The following BCAS3 variants were observed in gnomAD, a reference collection of about 807,000 sequenced individuals.
BCAS3 encodes BCAS3 microtubule associated cell migration factor, also known as BCAS4/BCAS3 fusion.
A neutral mutation model predicts 116.1 loss-of-function variants in BCAS3; 53 were observed. That is an observed-to-expected ratio of 0.46 (90% CI 0.37 to 0.57). The LOEUF (loss-of-function observed/expected upper bound fraction) is 0.57, where lower values mean the gene tolerates loss of function less well. BCAS3 is among the 20% of genes least tolerant of loss of function. BCAS3 has a pLI of 0.00. For missense variants in BCAS3, 917 were observed against 1,165.4 expected, an observed-to-expected ratio of 0.79 and a Z score of 3.10; for synonymous variants, 391 against 408.2, an observed-to-expected ratio of 0.96 and a Z score of 0.51.
rs1349888980 is a variant in BCAS3 at position 61,017,160 on chromosome 17, C to T, written c.1637+1259C>T. 6.6e-6 allele frequency: 1 copy of T among 152,122 alleles called. No homozygotes were observed. The highest frequency in any genetic ancestry group is 2.4e-5 in the African/African-American group (1 of 41,434). 9.4% of individuals were successfully genotyped at this position (152,122 alleles called of 1,614,324 possible). ...TAATTTTAAATTGGATTTCAACTTT[C>T]TCTTCCTCTGTTAGTTTATTTTAAA... On this transcript the variant is annotated intron_variant, in intron 16 of 23. Transcript: ENST00000407086. This position sits in a 1 kb window ranked among gnomAD's most constrained non-coding sequence, Gnocchi z 4.7.
intron 22 of BCAS3, among the ~76,000 whole-genome samples, chr17:61,100,271 C>T (rs1353653339): frequency 1.3e-5 from 2 of 152,106 alleles, no homozygotes; most frequent in East Asian, 1.9e-4. Context: ...GAGGAAATAG[C>T]GAACCCTATG....
At chr17:61,002,065 A>G (rs2064278936) in intron 15 of BCAS3, among the ~76,000 whole-genome samples, 1 of 152,128 alleles carries the variant, frequency 6.6e-6, no homozygotes, top group South Asian at 2.1e-4. Flanking sequence ...AGAGAAAGGT[A>G]TAGATAACGT....
chr17:60,839,689 G>A (rs1456995694), intron 7 of BCAS3, among the ~76,000 whole-genome samples: 1 of 152,014 alleles, frequency 6.6e-6, no homozygotes, highest in African/African-American at 2.4e-5. Context: ...TACAAATAAT[G>A]TAATACTATC....
rs542644345 is a variant in BCAS3, at chr17:61,186,608, C to T, written c.2425+102044C>T. Among the ~76,000 whole-genome samples, 9 of 152,168 alleles carry T rather than the reference C, an allele frequency of 5.9e-5. No individual in the cohort carries two copies. Among genetic ancestry groups the T allele is most frequent in the East Asian group, 3.9e-4 (2 of 5,182 alleles). Reference sequence around the variant, plus strand: ...CTTCATATTATTTTAAATTTTCAATCGGTTCAAAATTCAAAACATAAAAGG... The same window carrying T: ...CTTCATATTATTTTAAATTTTCAATTGGTTCAAAATTCAAAACATAAAAGG... On this transcript the variant is annotated intron_variant, in intron 22 of 23. Transcript: ENST00000407086. The surrounding 1 kb of genome is among the most constrained non-coding windows in gnomAD (Gnocchi z 4.9).
intron 4 of BCAS3, among the ~76,000 whole-genome samples, chr17:60,697,265 A>G (rs1244934611): frequency 2.6e-5 from 4 of 151,082 alleles, no homozygotes; most frequent in African/African-American, 9.7e-5. Context: ...GTTTGGGAAG[A>G]AAGATTCAGT....
At chr17:61,234,400 T>C (rs1211648632) in intron 22 of BCAS3, among the ~76,000 whole-genome samples, 2 of 152,230 alleles carry the variant, frequency 1.3e-5, no homozygotes, top group Non-Finnish European at 2.9e-5. Flanking sequence ...TACTCTGTTT[T>C]CCACCTGTCA....
chr17:60,774,460 G>T (rs958057269), intron 6 of BCAS3, among the ~76,000 whole-genome samples: 7 of 152,134 alleles, frequency 4.6e-5, no homozygotes, highest in Admixed American at 1.3e-4. Flanking sequence ...ATTATGGGTT[G>T]TATCTATTCC....
At chr17:60,785,573 G>A (rs906743041) in intron 6 of BCAS3, among the ~76,000 whole-genome samples, 4 of 152,138 alleles carry the variant, frequency 2.6e-5, no homozygotes, top group Non-Finnish European at 5.9e-5. Flanking sequence ...TACATCAGTA[G>A]GAATGGTCAA....
At chr17:60,769,193 T>A (rs2044403958) in intron 6 of BCAS3, among the ~76,000 whole-genome samples, 1 of 152,156 alleles carries the variant, frequency 6.6e-6, no homozygotes, top group Non-Finnish European at 1.5e-5. Flanking sequence ...AGACTTGTCC[T>A]TGGGCCCCTT....
intron 7 of BCAS3, among the ~76,000 whole-genome samples, chr17:60,826,586 G>A (rs1190078946): frequency 6.6e-6 from 1 of 152,140 alleles, no homozygotes; most frequent in Non-Finnish European, 1.5e-5. Flanking sequence ...TATACTGTCT[G>A]ATTCTAAACT....
At chr17:60,727,326 G>C in intron 5 of BCAS3, 1 of 1,328,642 alleles carries the variant, frequency 7.5e-7, no homozygotes, top group East Asian at 2.3e-5. Flanking sequence ...AGGAAAACTG[G>C]CCTTCTCTGC....
intron 15 of BCAS3, among the ~76,000 whole-genome samples, chr17:61,005,586 T>C (rs922667920): frequency 3.3e-5 from 5 of 152,044 alleles, no homozygotes; most frequent in African/African-American, 1.2e-4. Flanking sequence ...ACCTGCGTCA[T>C]GATGCTGAAA....
intron 20 of BCAS3, among the ~76,000 whole-genome samples, chr17:61,075,859 A>AAGCC (rs2071929394): frequency 6.6e-6 from 1 of 152,022 alleles, no homozygotes; most frequent in Non-Finnish European, 1.5e-5. Context: ...AGTGGTCTCT[A>AAGCC]AGCCAGCCCT....
intron 14 of BCAS3, among the ~76,000 whole-genome samples, chr17:60,975,954 A>G (rs1386430337): frequency 6.6e-6 from 1 of 151,000 alleles, no homozygotes; most frequent in Non-Finnish European, 1.5e-5. Context: ...CAATTGATAG[A>G]CATTTAAGTT....
intron 22 of BCAS3, among the ~76,000 whole-genome samples, chr17:61,133,109 TG>T (rs1246910529): frequency 6.6e-6 from 1 of 152,232 alleles, no homozygotes; most frequent in African/African-American, 2.4e-5. Flanking sequence ...ATGGCTTTTC[TG>T]GGCTTTTTAC....
At chr17:61,006,507 TTACTC>T (rs1388391393) in intron 15 of BCAS3, among the ~76,000 whole-genome samples, 1 of 152,110 alleles carries the variant, frequency 6.6e-6, no homozygotes, top group Non-Finnish European at 1.5e-5. Flanking sequence ...GCATTTCTAT[TTACTC>T]TGTTGATATA....
chr17:60,945,831 TAAAA>T lies in BCAS3; in HGVS notation c.1088-1384_1088-1381del, dbSNP rs896876688. 4.7e-5 allele frequency among the ~76,000 whole-genome samples: 7 copies of T among 148,526 alleles called. No individual in the cohort carries two copies. In the East Asian group the frequency reaches 1.4e-3, roughly 30 times the overall value. On this transcript the variant is annotated intron_variant, in intron 13 of 23. Coordinates refer to ENST00000407086, the MANE Select transcript of BCAS3 (RefSeq NM_017679.5). ...AATAATAATAACAATAAATAAAAAATAAAAAAATGCCAGGCATGGTGACTCATGC... is the reference window on the plus strand; with the variant it reads ...AATAATAATAACAATAAATAAAAAATAAATGCCAGGCATGGTGACTCATGC...
intron 22 of BCAS3, among the ~76,000 whole-genome samples, chr17:61,328,159 T>A (rs973328862): frequency 1.2e-4 from 18 of 148,354 alleles, no homozygotes; most frequent in Non-Finnish European, 1.9e-4. Flanking sequence ...CCTATAGCTT[T>A]AAAAAAAAAA....
Position 60,902,605 on chromosome 17 carries a change from C to T in BCAS3, c.739-15C>T, listed in dbSNP as rs1442464551. On this transcript the variant is annotated splice_polypyrimidine_tract_variant and intron_variant, in intron 10 of 23. Coordinates refer to ENST00000407086, the MANE Select transcript of BCAS3 (RefSeq NM_017679.5). The stretch of plus-strand genomic sequence containing the variant: ...TAGAAATGACGTTCTGCTTCTCTCT[C>T]TCTCTTTTTCTCAGTTGATTCGATG... 1 of 1,588,626 alleles carries T rather than the reference C, an allele frequency of 6.3e-7. No individual in the cohort carries two copies. Among genetic ancestry groups the T allele is most frequent in the African/African-American group, 1.3e-5 (1 of 74,494 alleles).
Sources: allele counts gnomAD v4.1 joint callset (sites outside exome capture counted in the v4.1 genomes callset), GRCh38; gene constraint gnomAD v4.1.1; non-coding constraint Gnocchi (gnomAD v3.1); transcripts MANE v1.5; gene names NCBI Gene and HGNC (gene_info 2026-07-23, HGNC 2026-07-21).